The following PCCA variants were observed in gnomAD, a reference collection of about 807,000 sequenced individuals.
PCCA encodes the protein propionyl-CoA carboxylase alpha chain, mitochondrial.
Under a neutral mutation model 101.3 loss-of-function variants are expected in PCCA, and 74 were observed. The ratio of observed to expected loss-of-function variants is 0.73; its 90% CI spans 0.61 to 0.89. PCCA has a LOEUF of 0.89. PCCA is among the 40% of genes least tolerant of loss of function. The pLI, the probability that PCCA is intolerant of heterozygous loss-of-function variation, is 0.00. For synonymous variants in PCCA, 294 were observed against 313.6 expected, an observed-to-expected ratio of 0.94 and a Z score of 0.66; for missense variants, 891 against 907.0, an observed-to-expected ratio of 0.98 and a Z score of 0.23.
intron 19 of PCCA, among the ~76,000 whole-genome samples, chr13:100,385,319 C>T (rs2076436604): frequency 6.6e-6 from 1 of 152,066 alleles, no homozygotes; most frequent in Non-Finnish European, 1.5e-5. Flanking sequence ...GTAAAACTGT[C>T]GTAAGTGAAG....
At chr13:100,288,714 A>G (rs1215088519) in intron 12 of PCCA, among the ~76,000 whole-genome samples, 3 of 152,232 alleles carry the variant, frequency 2.0e-5, no homozygotes, top group African/African-American at 4.8e-5. Context: ...AAATCTTTGT[A>G]TCCAAGACAC....
chr13:100,244,617 T>C (rs1172063844), intron 8 of PCCA, among the ~76,000 whole-genome samples: 4 of 152,148 alleles, frequency 2.6e-5, no homozygotes, highest in Non-Finnish European at 5.9e-5. Flanking sequence ...AACATTGCTT[T>C]TTTTGTTTGG....
chr13:100,151,025 C>T, intron 4 of PCCA: 2 of 1,547,178 alleles, frequency 1.3e-6, no homozygotes, highest in Non-Finnish European at 1.8e-6. Flanking sequence ...GCAGCGGACC[C>T]TCAGAAGAAA....
chr13:100,528,667 G>A (rs540572648), intron 23 of PCCA, among the ~76,000 whole-genome samples: 5 of 152,342 alleles, frequency 3.3e-5, no homozygotes, highest in Non-Finnish European at 5.9e-5. Context: ...AGCCCAGCCC[G>A]CCGGTCTGGA....
intron 21 of PCCA, among the ~76,000 whole-genome samples, chr13:100,461,713 C>G (rs553194985): frequency 5.3e-5 from 8 of 152,324 alleles, no homozygotes; most frequent in East Asian, 1.9e-4. Context: ...TTCCACCTGT[C>G]CCTGCCTGCC....
intron 21 of PCCA, among the ~76,000 whole-genome samples, chr13:100,451,207 A>G (rs960654822): frequency 4.6e-5 from 7 of 151,538 alleles, no homozygotes; most frequent in African/African-American, 1.7e-4. Context: ...TACTGATTTC[A>G]GTGTTCGTCT....
At chr13:100,111,937 TTAA>T in intron 3 of PCCA, 49 bp downstream of exon 3, 1 of 1,506,482 alleles carries the variant, frequency 6.6e-7, no homozygotes, top group Non-Finnish European at 9.2e-7. Flanking sequence ...AAATTATTTA[TTAA>T]ACCCCTTTAA....
At chr13:100,178,312 C>T (rs189645542) in intron 6 of PCCA, among the ~76,000 whole-genome samples, 2 of 152,296 alleles carry the variant, frequency 1.3e-5, no homozygotes, top group Admixed American at 1.3e-4. Context: ...CCAAGTTTAG[C>T]AGTCTTACAC....
chr13:100,382,722 G>A (rs1030038575), intron 19 of PCCA, among the ~76,000 whole-genome samples: 2 of 152,072 alleles, frequency 1.3e-5, no homozygotes, highest in African/African-American at 2.4e-5. Flanking sequence ...TTCCAAGCAA[G>A]CAATGAAAAA....
At chr13:100,528,350 T>A (rs796561950) in intron 23 of PCCA, among the ~76,000 whole-genome samples, 4 of 152,368 alleles carry the variant, frequency 2.6e-5, no homozygotes, top group African/African-American at 9.6e-5. Flanking sequence ...ACTGAAAAGA[T>A]GCCGTTAGTA....
chr13:100,478,912 C>T (rs1164284237), intron 21 of PCCA, among the ~76,000 whole-genome samples: 2 of 152,136 alleles, frequency 1.3e-5, no homozygotes, highest in Non-Finnish European at 2.9e-5. Context: ...GGAAGCTGAC[C>T]AACTTTTCTC....
chr13:100,424,837 A>G (rs1170581700), intron 19 of PCCA, among the ~76,000 whole-genome samples: 1 of 152,208 alleles, frequency 6.6e-6, no homozygotes, highest in East Asian at 1.9e-4. Context: ...AAGATTAAGT[A>G]TCACCTTGTT....
chr13:100,361,229 G>C (rs1473275342), intron 18 of PCCA, among the ~76,000 whole-genome samples: 1 of 152,082 alleles, frequency 6.6e-6, no homozygotes, highest in Non-Finnish European at 1.5e-5. Flanking sequence ...CATTTCATTA[G>C]ATATTTGTCA....
intron 21 of PCCA, among the ~76,000 whole-genome samples, chr13:100,489,023 T>G (rs1480392149): frequency 6.6e-6 from 1 of 152,106 alleles, no homozygotes; most frequent in Non-Finnish European, 1.5e-5. Flanking sequence ...AATAAAGTTT[T>G]GGCTGGGTGC....
At chr13:100,178,446 A>G (rs1366248349) in intron 6 of PCCA, among the ~76,000 whole-genome samples, 1 of 152,174 alleles carries the variant, frequency 6.6e-6, no homozygotes, top group African/African-American at 2.4e-5. Context: ...CATTTTTCAA[A>G]TTATTTGCTT....
At chr13:100,238,597 A>G (rs1055104589) in intron 8 of PCCA, among the ~76,000 whole-genome samples, 4 of 152,154 alleles carry the variant, frequency 2.6e-5, no homozygotes, top group Non-Finnish European at 4.4e-5. Flanking sequence ...ATTTGAGGTA[A>G]AATAAACCAT....
chr13:100,276,213 CAAAAAAAAAAAAAA>C (rs59671834), intron 12 of PCCA, among the ~76,000 whole-genome samples: 48 of 102,144 alleles, frequency 4.7e-4, no homozygotes, highest in Non-Finnish European at 6.0e-4. Flanking sequence ...TTGTCTGTAC[CAAAAAAAAAAAAAA>C]AAAAAAAAAA....
intron 6 of PCCA, among the ~76,000 whole-genome samples, chr13:100,207,456 C>T (rs2152474943): frequency 6.6e-6 from 1 of 152,212 alleles, no homozygotes; most frequent in African/African-American, 2.4e-5. Flanking sequence ...TCTCGGCTCA[C>T]TGCAACCTCT....
At chr13:100,525,634 G>C (rs989568166) in intron 22 of PCCA, among the ~76,000 whole-genome samples, 1 of 152,274 alleles carries the variant, frequency 6.6e-6, no homozygotes. Flanking sequence ...AACAGAAGCA[G>C]GAGCTGCCTG....
Sources: allele counts gnomAD v4.1 joint callset (sites outside exome capture counted in the v4.1 genomes callset), GRCh38; gene constraint gnomAD v4.1.1; transcripts MANE v1.5; gene names NCBI Gene and HGNC (gene_info 2026-07-23, HGNC 2026-07-21).